Variants in TECTA observed in about 807,000 individuals in gnomAD.
TECTA encodes alpha-tectorin.
In TECTA, 128 loss-of-function variants were observed where a neutral mutation model predicts 216.8. The observed-to-expected ratio is 0.59, with a 90% CI of 0.51 to 0.68. The LOEUF is 0.68. Ranked by LOEUF, TECTA falls within the 30% of genes least tolerant of loss-of-function variation. The pLI is 0.00. For synonymous variants in TECTA, 1,089 were observed against 1,117.1 expected (o/e 0.97, Z 0.50); for missense variants, 2,551 against 2,786.2 (o/e 0.92, Z 1.90).
chr11:121,159,856 T>C (rs1311694840), intron 14 of TECTA, among the ~76,000 whole-genome samples: 1 of 152,240 alleles, frequency 6.6e-6, no homozygotes, highest in Non-Finnish European at 1.5e-5. Context: ...TTGGGGCAAC[T>C]ACACAGTAAG....
chr11:121,112,829 G>C (rs1273235659), intron 4 of TECTA, among the ~76,000 whole-genome samples: 1 of 152,244 alleles, frequency 6.6e-6, no homozygotes, highest in Non-Finnish European at 1.5e-5. Flanking sequence ...ATAAGTGGGC[G>C]CTGAGTCAGA....
Position 121,137,791 on chromosome 11 carries a change from C to T in TECTA, c.3312C>T (p.Gly1104=). The T allele has an allele frequency of 1.2e-6, 2 of 1,614,054 alleles. No individual in the cohort carries two copies. The highest frequency in any genetic ancestry group is 2.2e-5 in the South Asian group (2 of 91,088). ...CCGACGCCTCCTGCATCGTCTCAGG[C>T]TACGGCCACTACCTCACCTTTGATG... is the stretch of plus-strand genomic sequence containing the variant. ...ARTDASCIVS[G]YGHYLTFDGF... The change falls in exon 11 of 24, where the codon GGC becomes GGT. Residue 1104 remains glycine (G), a synonymous_variant. Transcript: ENST00000392793.
chr11:121,120,133 T>C (rs1378754106), intron 7 of TECTA, among the ~76,000 whole-genome samples: 1 of 152,204 alleles, frequency 6.6e-6, no homozygotes, highest in Non-Finnish European at 1.5e-5. Context: ...TGTATTTTGA[T>C]TAAAATTCTT....
Position 121,191,089 on chromosome 11 carries a change from T to A in TECTA, c.*283T>A. ...GACTTTGGTTCACATGAAAAACCAG[T>A]AAAGGAAAAAAATTCTGGTTAGAGA... On this transcript the variant is annotated 3_prime_UTR_variant, in exon 24 of 24. Transcript: ENST00000392793. 1 of 346,408 alleles carries A rather than the reference T, an allele frequency of 2.9e-6. No homozygotes were observed. 21.5% of individuals were successfully genotyped at this position (346,408 alleles called of 1,614,324 possible).
chr11:121,134,325 CCACA>C (rs6144537), intron 10 of TECTA, among the ~76,000 whole-genome samples: 2 of 146,862 alleles, frequency 1.4e-5, no homozygotes, highest in Non-Finnish European at 3.0e-5. Context: ...AAAACCAACA[CCACA>C]CACACACACA....
intron 6 of TECTA, among the ~76,000 whole-genome samples, chr11:121,115,280 T>C (rs534685913): frequency 2.0e-5 from 3 of 151,010 alleles, no homozygotes; most frequent in Non-Finnish European, 4.4e-5. Context: ...CATCAAGTCA[T>C]CCAGCCATTT....
At chr11:121,189,911 C>G (rs1947325612) in intron 23 of TECTA, 31 bp downstream of exon 23, 1 of 1,579,254 alleles carries the variant, frequency 6.3e-7, no homozygotes, top group Non-Finnish European at 8.7e-7. Flanking sequence ...GGGCAGGCAG[C>G]TGGGAGACAC....
intron 3 of TECTA, among the ~76,000 whole-genome samples, chr11:121,106,746 C>T (rs1336736356): frequency 6.6e-6 from 1 of 152,196 alleles, no homozygotes; most frequent in African/African-American, 2.4e-5. Flanking sequence ...TGGGACCTCT[C>T]TCTTCCCCAA....
chr11:121,166,428 G>A (rs1424802131), intron 17 of TECTA, 150 bp from the exon 18 acceptor site: 12 of 789,576 alleles, frequency 1.5e-5, no homozygotes, highest in Non-Finnish European at 1.9e-5. Flanking sequence ...TGCTCATTTG[G>A]TTTGATCAAA....
intron 2 of TECTA, among the ~76,000 whole-genome samples, chr11:121,103,472 T>C (rs1701297862): frequency 6.6e-6 from 1 of 152,144 alleles, no homozygotes; most frequent in South Asian, 2.1e-4. Context: ...TTTTCCAGAA[T>C]TGGTGAATTT....
At position 121,137,562 on chromosome 11, in the gene TECTA, G is replaced by T; in HGVS notation, c.3083G>T (p.Ser1028Ile). The T allele has an allele frequency of 3.1e-6, 5 of 1,613,990 alleles. No individual in the cohort carries two copies. The highest frequency in any genetic ancestry group is 4.2e-6 in the Non-Finnish European group (5 of 1,179,994). The part of the protein sequence containing the change: ...QCDEGYALLG[S>I]QCVTRSECGC... ...GATGAGGGCTATGCTCTACTGGGCA[G>T]CCAGTGTGTCACGCGGAGTGAGTGT... Residue 1028 changes from serine to isoleucine, a missense_variant, in exon 11 of 24, where the codon AGC becomes ATC. By Grantham distance (142) the Ser-to-Ile change is moderately radical (BLOSUM62 -2). Around this residue, in one of 3 missense-constraint regions of TECTA, gnomAD observed 2,375 missense variants for 2,563.9 expected, o/e 0.93. Coordinates refer to ENST00000392793, the MANE Select transcript of TECTA (RefSeq NM_005422.4).
intron 7 of TECTA, 91 bp from the exon 8 acceptor site, chr11:121,125,211 T>G: frequency 7.6e-6 from 10 of 1,312,644 alleles, no homozygotes; most frequent in Non-Finnish European, 9.8e-6. Flanking sequence ...TCTGGAGTGT[T>G]GAGTTGCTTT....
intron 11 of TECTA, among the ~76,000 whole-genome samples, chr11:121,138,621 TC>T (rs1336457200): frequency 6.6e-6 from 1 of 152,144 alleles, no homozygotes; most frequent in African/African-American, 2.4e-5. Flanking sequence ...GGGCTTCAAC[TC>T]CCTCTTTCTA....
Position 121,160,257 on chromosome 11 carries a change from C to A in TECTA, c.4812C>A (p.Asn1604Lys). Residue 1604 changes from asparagine (N) to lysine (K), a missense_variant, in exon 15 of 24, where the codon AAC (asparagine) becomes AAA (lysine). Physicochemically the swap from Asn to Lys is moderately conservative, Grantham distance 94. This residue lies in a region of TECTA where 2,375 missense variants were observed against 2,563.9 expected (regional missense o/e 0.93). Transcript: ENST00000392793. ...TCCAGATATACTACAATGGTTTCAA[C>A]GTCATTAAAATCAGCATCAGCGAGA... ...PDIQIYYNGF[N>K]VIKISISERL... The A allele has an allele frequency of 6.2e-7, 1 of 1,614,172 alleles. No individual in the cohort carries two copies.
chr11:121,157,934 G>A lies in TECTA; in HGVS notation c.4399G>A (p.Asp1467Asn). Residue 1467 changes from aspartate (D) to asparagine (N), a missense_variant, in exon 14 of 24, where the codon GAC (aspartate) becomes AAC (asparagine). Physicochemically the swap from Asp to Asn is conservative, Grantham distance 23. This residue lies in a region of TECTA where 2,375 missense variants were observed against 2,563.9 expected (regional missense o/e 0.93). Transcript: ENST00000392793. ...GTGCGACCCGCGCCAATGCAAGTCA[G>A]ACGAGGAGTGTGCGCTGCGCAACGG... ...IQCDPRQCKS[D>N]EECALRNGVR... The A allele has an allele frequency of 1.2e-6, 2 of 1,614,120 alleles. No individual in the cohort carries two copies. Among genetic ancestry groups the A allele is most frequent in the South Asian group, 1.1e-5 (1 of 91,086 alleles).
chr11:121,164,567 C>T (rs777361646), intron 16 of TECTA, among the ~76,000 whole-genome samples: 2 of 152,164 alleles, frequency 1.3e-5, no homozygotes, highest in Non-Finnish European at 2.9e-5. Context: ...ATAATAACAT[C>T]GTGATGATAC....
chr11:121,114,075 G>A (rs1013056446), intron 6 of TECTA, among the ~76,000 whole-genome samples: 2 of 151,872 alleles, frequency 1.3e-5, no homozygotes, highest in Non-Finnish European at 2.9e-5. Context: ...TCCTCCCCCC[G>A]CCCTTTATGT....
chr11:121,108,352 C>G (rs1946409488), intron 3 of TECTA, among the ~76,000 whole-genome samples: 1 of 150,802 alleles, frequency 6.6e-6, no homozygotes, highest in Non-Finnish European at 1.5e-5. Context: ...ACACACCACC[C>G]TCAGTACACA....
rs765483037 is a variant in TECTA, at chr11:121,125,660, C to T, written c.1562C>T (p.Ser521Phe). ...GCCACTGAAGCCCTCTACTTTGGCTCTGACTACTGCGGCTTCCTCAACAAG... is the reference window on the plus strand; with the variant it reads ...GCCACTGAAGCCCTCTACTTTGGCTTTGACTACTGCGGCTTCCTCAACAAG... ...DAATEALYFG[S>F]DYCGFLNKTD... The change falls in exon 8 of 24, where the codon TCT becomes TTT. Residue 521 changes from serine to phenylalanine, a missense_variant. Physicochemically the swap from Ser to Phe is radical, Grantham distance 155. Around this residue, in one of 3 missense-constraint regions of TECTA, gnomAD observed 2,375 missense variants for 2,563.9 expected, o/e 0.93. Coordinates refer to ENST00000392793, the MANE Select transcript of TECTA (RefSeq NM_005422.4). The T allele has an allele frequency of 6.2e-7, 1 of 1,610,896 alleles. No homozygotes were observed. Among genetic ancestry groups the T allele is most frequent in the South Asian group, 1.1e-5 (1 of 91,032 alleles).
Sources: gnomAD v4.1 joint callset for allele counts (sites outside exome capture counted in the v4.1 genomes callset) on GRCh38, gnomAD v4.1.1 for gene constraint, gnomAD v4.1.1 regional missense constraint, MANE v1.5 for transcripts, NCBI Gene and HGNC (gene_info 2026-07-23, HGNC 2026-07-21) for gene names.